The following NXN variants were observed in gnomAD, a reference collection of about 807,000 sequenced individuals.
NXN encodes nucleoredoxin.
NXN carries 16 observed loss-of-function variants against 48.6 expected under a neutral mutation model. That is an observed-to-expected ratio of 0.33 (90% CI 0.22 to 0.50). NXN has a LOEUF of 0.50. Among genes scored for constraint, NXN ranks in the 20% least tolerant of loss-of-function variants. The pLI, the probability that NXN is intolerant of heterozygous loss-of-function variation, is 0.98. For synonymous variants in NXN, 281 were observed against 269.6 expected (o/e 1.04, Z -0.41); for missense variants, 492 against 605.5 (o/e 0.81, Z 1.97).
At chr17:820,008 A>T (rs1439558018) in intron 4 of NXN, among the ~76,000 whole-genome samples, 1 of 152,234 alleles carries the variant, frequency 6.6e-6, no homozygotes, top group African/African-American at 2.4e-5. Flanking sequence ...CAAGCGGCAG[A>T]AGCGGATCAG....
chr17:931,633 G>C (rs919658868), intron 1 of NXN, among the ~76,000 whole-genome samples: 1 of 142,706 alleles, frequency 7.0e-6, no homozygotes, highest in East Asian at 2.2e-4. Flanking sequence ...TCAGGAGATC[G>C]AGACCATCCC....
chr17:808,676 G>GTTT (rs5818768), intron 5 of NXN, among the ~76,000 whole-genome samples: 7,277 of 128,884 alleles, frequency 0.056, 731 homozygotes, highest in African/African-American at 0.18. Context: ...TTATAAACCA[G>GTTT]TTTTTTTTTT....
intron 6 of NXN, among the ~76,000 whole-genome samples, chr17:804,276 T>C (rs1054284057): frequency 2.8e-5 from 2 of 71,568 alleles, no homozygotes; most frequent in African/African-American, 2.9e-4. Context: ...GTCAGCGGCT[T>C]TTTTTTTTTT....
At position 953,152 on chromosome 17, in the gene NXN, A is replaced by C. The variant is rs934005401; in HGVS notation, c.360+26167T>G. Among the ~76,000 whole-genome samples the C allele has an allele frequency of 4.0e-5, 6 of 151,000 alleles. 1 individual carries two copies. In the Admixed American group the frequency reaches 4.0e-4, roughly 10 times the overall value. On this transcript the variant is annotated intron_variant, in intron 1 of 7. Coordinates refer to ENST00000336868, the MANE Select transcript of NXN (RefSeq NM_022463.5). ...ATGTCTGAGTAGCTCCCTGAAGTCC[A>C]AACGGAAGACTATGACCCTTGGGAG...
rs1332440214 is a variant in NXN at position 840,108 on chromosome 17, AG to A, written c.361-14031del. Among the ~76,000 whole-genome samples, 10 of 134,668 alleles carry A rather than the reference AG, an allele frequency of 7.4e-5. 1 individual carries two copies. The highest frequency in any genetic ancestry group is 6.4e-4 in the Admixed American group (9 of 14,006). The allele number at this position is 134,668 out of a possible 152,430, so 88.3% of individuals were successfully genotyped here. ...CGAGACTGTCTCAAAAAAAAAAAAAAGAGAGAGAGAGAGAATATTACCATTT... is the reference window on the plus strand; with the variant it reads ...CGAGACTGTCTCAAAAAAAAAAAAAAAGAGAGAGAGAGAATATTACCATTT... On this transcript the variant is annotated intron_variant, in intron 1 of 7. Transcript: ENST00000336868.
intron 1 of NXN, among the ~76,000 whole-genome samples, chr17:858,427 T>C (rs2068008238): frequency 6.6e-6 from 1 of 152,104 alleles, no homozygotes; most frequent in Admixed American, 6.5e-5. Context: ...ACGGCTGAGC[T>C]ATAGAAAACA....
intron 1 of NXN, among the ~76,000 whole-genome samples, chr17:899,808 T>C (rs1024905916): frequency 6.6e-6 from 1 of 152,172 alleles, no homozygotes; most frequent in Non-Finnish European, 1.5e-5. Context: ...GAGGATAGCC[T>C]GAGCCCAGGA....
intron 1 of NXN, among the ~76,000 whole-genome samples, chr17:870,172 C>T (rs1419118398): frequency 6.6e-6 from 1 of 152,202 alleles, no homozygotes; most frequent in African/African-American, 2.4e-5. Flanking sequence ...AGAAACCCCA[C>T]ACCAAGCCTC....
intron 3 of NXN, 21 bp from the exon 4 acceptor site, chr17:822,478 A>T (rs755404347): frequency 6.3e-7 from 1 of 1,577,766 alleles, no homozygotes; most frequent in Non-Finnish European, 8.7e-7. Context: ...GGACAGCAAG[A>T]CCCGCTGCGT....
intron 5 of NXN, chr17:819,028 CCT>C (rs1448899698): frequency 9.9e-6 from 3 of 302,372 alleles, no homozygotes; most frequent in Non-Finnish European, 1.9e-5. Context: ...CTCACTGCAA[CCT>C]CTGCCTCCTG....
chr17:927,110 G>A (rs376082756), intron 1 of NXN, among the ~76,000 whole-genome samples: 34 of 149,936 alleles, frequency 2.3e-4, no homozygotes, highest in Admixed American at 6.0e-4. Context: ...TCAGGAGATC[G>A]AGACCATCCT....
rs116038520 is a variant in NXN at position 814,531 on chromosome 17, C to T, written c.820+4908G>A. Among the ~76,000 whole-genome samples, 718 of 152,290 alleles carry T rather than the reference C, an allele frequency of 4.7e-3. 5 individuals carry two copies. Among genetic ancestry groups the T allele is most frequent in the African/African-American group, 0.016 (660 of 41,562 alleles). ...AGCTCCACTCTAAGTGACAAGTGTCCGTCTTCCAGGCCCTCGTACGAAATG... is the reference window on the plus strand; with the variant it reads ...AGCTCCACTCTAAGTGACAAGTGTCTGTCTTCCAGGCCCTCGTACGAAATG... On this transcript the variant is annotated intron_variant, in intron 5 of 7. Coordinates refer to ENST00000336868, the MANE Select transcript of NXN (RefSeq NM_022463.5).
chr17:829,458 CT>C (rs34243095), intron 1 of NXN, among the ~76,000 whole-genome samples: 506 of 140,896 alleles, frequency 3.6e-3, no homozygotes, highest in Middle Eastern at 7.6e-3. Flanking sequence ...CTCGGACTAT[CT>C]TTTTTTTTTT....
chr17:860,562 T>A (rs1404132562), intron 1 of NXN, among the ~76,000 whole-genome samples: 1 of 104,936 alleles, frequency 9.5e-6, no homozygotes, highest in African/African-American at 3.7e-5. Flanking sequence ...CCCGGCTAAT[T>A]TTTGTATTTT....
intron 1 of NXN, among the ~76,000 whole-genome samples, chr17:833,451 G>A (rs898060246): frequency 1.3e-5 from 2 of 152,122 alleles, no homozygotes; most frequent in African/African-American, 4.8e-5. Flanking sequence ...AAATGCTTCA[G>A]CTTAAAGAAA....
At chr17:854,849 C>T (rs567609283) in intron 1 of NXN, among the ~76,000 whole-genome samples, 145 of 151,764 alleles carry the variant, frequency 9.6e-4, no homozygotes, top group Non-Finnish European at 1.9e-3. Context: ...GTTCCAGCTA[C>T]TCGGGAGACT....
intron 5 of NXN, among the ~76,000 whole-genome samples, chr17:818,348 C>T (rs1038188395): frequency 7.2e-5 from 11 of 151,998 alleles, no homozygotes; most frequent in Non-Finnish European, 1.0e-4. Flanking sequence ...ATTTTCTCAC[C>T]GAGAAGGTGA....
At chr17:836,234 G>A (rs374910841) in intron 1 of NXN, among the ~76,000 whole-genome samples, 100 of 152,268 alleles carry the variant, frequency 6.6e-4, no homozygotes, top group South Asian at 3.3e-3. Flanking sequence ...ATCTGCCCCC[G>A]CATGCTAAGG....
intron 1 of NXN, chr17:896,871 C>T (rs902282609): frequency 1.0e-6 from 1 of 954,272 alleles, no homozygotes; most frequent in African/African-American, 1.8e-5. Context: ...GCCCCCGGCC[C>T]CTCAACAAAC....
Sources: allele counts gnomAD v4.1 joint callset (sites outside exome capture counted in the v4.1 genomes callset), GRCh38; gene constraint gnomAD v4.1.1; transcripts MANE v1.5; gene names NCBI Gene and HGNC (gene_info 2026-07-23, HGNC 2026-07-21).